Variants in LRPAP1 observed in about 807,000 individuals in gnomAD.
The protein encoded by LRPAP1 is LDL receptor related protein associated protein 1.
LRPAP1 carries 41 observed loss-of-function variants against 39.9 expected under a neutral mutation model. The observed-to-expected ratio is 1.03, with a 90% CI of 0.80 to 1.33. The LOEUF (loss-of-function observed/expected upper bound fraction) is 1.33, where lower values mean the gene tolerates loss of function less well. LRPAP1 is among the 40% of genes most tolerant of loss of function. LRPAP1 has a pLI of 0.00. For synonymous variants in LRPAP1, 263 were observed against 212.7 expected (o/e 1.24, Z -2.06); for missense variants, 565 against 482.3 (o/e 1.17, Z -1.61).
chr4:3,507,457 T>C lies in LRPAP1; in HGVS notation c.*5517A>G, dbSNP rs1294899807. The C allele has an allele frequency of 7.0e-6, 1 of 142,472 alleles. No homozygotes were observed. The highest frequency in any genetic ancestry group is 1.5e-5 in the Non-Finnish European group (1 of 65,978). The allele number at this position is 142,472 out of a possible 1,614,324, so 8.8% of individuals were successfully genotyped here. On this transcript the variant is annotated 3_prime_UTR_variant, in exon 8 of 8. Transcript: ENST00000650182. ...CTCTGGCCAAAGAATGTGATTTGTATTATTTACCTACATATCATATATTTA... is the reference window on the plus strand; with the variant it reads ...CTCTGGCCAAAGAATGTGATTTGTACTATTTACCTACATATCATATATTTA...
intron 4 of LRPAP1, 143 bp downstream of exon 4, chr4:3,518,728 G>A (rs1001678684): frequency 2.2e-5 from 13 of 589,804 alleles, no homozygotes; most frequent in Middle Eastern, 4.6e-4. Flanking sequence ...CTGGGAGGGC[G>A]TCTGGTGCCG....
chr4:3,517,471 G>A (rs775937039), intron 5 of LRPAP1, among the ~76,000 whole-genome samples: 4 of 152,366 alleles, frequency 2.6e-5, no homozygotes, highest in East Asian at 1.9e-4. Flanking sequence ...CGGAAGCTGC[G>A]TGAGTGAGGC....
Position 3,509,173 on chromosome 4 carries a change from T to C in LRPAP1, c.*3801A>G, listed in dbSNP as rs1399091975. ...GTTCATTGTTGGGAGAAGTTGAAGA[T>C]GAACTCAATACCTGGAGTCATACAT... On this transcript the variant is annotated 3_prime_UTR_variant, in exon 8 of 8. Transcript: ENST00000650182. 2.0e-5 allele frequency: 3 copies of C among 152,428 alleles called. No homozygotes were observed. In the South Asian group the frequency reaches 6.2e-4, roughly 32 times the overall value. The allele number at this position is 152,428 out of a possible 1,614,324, so 9.4% of individuals were successfully genotyped here.
At position 3,505,722 on chromosome 4, in the gene LRPAP1, C is replaced by G. The variant is rs1423405699; in HGVS notation, c.*7252G>C. 2.0e-5 allele frequency among the ~76,000 whole-genome samples: 3 copies of G among 152,246 alleles called. No homozygotes were observed. Among genetic ancestry groups the G allele is most frequent in the Non-Finnish European group, 4.4e-5 (3 of 68,042 alleles). On this transcript the variant is annotated 3_prime_UTR_variant, in exon 8 of 8. Coordinates refer to ENST00000650182, the MANE Select transcript of LRPAP1 (RefSeq NM_002337.4). ...CCAAGACCGTCTATACCAGCTACGC[C>G]AAGACCGTCTATACCAGCTACCCCA... is the stretch of plus-strand genomic sequence containing the variant.
In LRPAP1 at chr4:3,508,843, G is replaced by A. The variant is rs1166258248; in HGVS notation, c.*4131C>T. 1 of 152,146 alleles carries A rather than the reference G, an allele frequency of 6.6e-6. No homozygotes were observed. The highest frequency in any genetic ancestry group is 2.4e-5 in the African/African-American group (1 of 41,422). The allele number at this position is 152,146 out of a possible 1,614,324, so 9.4% of individuals were successfully genotyped here. A position where few individuals can be genotyped will look rare whatever the true frequency, so the allele number is the denominator to read the frequency against. On this transcript the variant is annotated 3_prime_UTR_variant, in exon 8 of 8. Transcript: ENST00000650182. ...CTGAGCCGGGAGAGACTGAGCCCAT[G>A]TTCACCGAGACTGGGAATAAGATTA...
chr4:3,505,744 C>G lies in LRPAP1; in HGVS notation c.*7230G>C, dbSNP rs956112902. Among the ~76,000 whole-genome samples the G allele has an allele frequency of 3.3e-5, 5 of 151,994 alleles. No homozygotes were observed. The South Asian group carries it at 6.2e-4, about 19-fold the overall frequency. The stretch of plus-strand genomic sequence containing the variant: ...CGCCAAGACCGTCTATACCAGCTAC[C>G]CCAAGACCGTCTATACCACCACCCT... On this transcript the variant is annotated 3_prime_UTR_variant, in exon 8 of 8. Transcript: ENST00000650182.
chr4:3,518,551 C>T (rs1022122309), intron 4 of LRPAP1, among the ~76,000 whole-genome samples: 1 of 152,130 alleles, frequency 6.6e-6, no homozygotes, highest in Non-Finnish European at 1.5e-5. Flanking sequence ...GGGAGGGTCA[C>T]GAGTCCAGAA....
chr4:3,509,064 A>T lies in LRPAP1; in HGVS notation c.*3910T>A, dbSNP rs1729436727. 1 of 152,280 alleles carries T rather than the reference A, an allele frequency of 6.6e-6. No individual in the cohort carries two copies. The highest frequency in any genetic ancestry group is 2.4e-5 in the African/African-American group (1 of 41,470). The allele number at this position is 152,280 out of a possible 1,614,324, so 9.4% of individuals were successfully genotyped here. ...CACGCACAGGTGACAAATGAAATAA[A>T]AATACACAGTCCTCAATAGCATATC... is the stretch of plus-strand genomic sequence containing the variant. On this transcript the variant is annotated 3_prime_UTR_variant, in exon 8 of 8. Coordinates refer to ENST00000650182, the MANE Select transcript of LRPAP1 (RefSeq NM_002337.4).
intron 5 of LRPAP1, chr4:3,517,658 T>C: frequency 5.9e-6 from 1 of 168,220 alleles, no homozygotes; most frequent in South Asian, 1.7e-4. Flanking sequence ...GGGGGACTGA[T>C]GGACGGTGTG....
rs1393942562 is a variant in LRPAP1 at position 3,504,601 on chromosome 4, T to G, written c.*8373A>C. On this transcript the variant is annotated 3_prime_UTR_variant, in exon 8 of 8. Transcript: ENST00000650182. Reference sequence around the variant, plus strand: ...CCTGTCTCTACTAAAAATACAAACATTAGCCCACTGTGGTGGTAGGGGCCT... The same window carrying G: ...CCTGTCTCTACTAAAAATACAAACAGTAGCCCACTGTGGTGGTAGGGGCCT... The G allele has an allele frequency of 2.0e-5, 3 of 152,014 alleles. No homozygotes were observed. Among genetic ancestry groups the G allele is most frequent in the African/African-American group, 7.3e-5 (3 of 41,376 alleles). 9.4% of individuals were successfully genotyped at this position (152,014 alleles called of 1,614,324 possible).
intron 2 of LRPAP1, among the ~76,000 whole-genome samples, chr4:3,522,269 A>T (rs944300638): frequency 1.3e-5 from 2 of 152,202 alleles, no homozygotes; most frequent in African/African-American, 4.8e-5. Flanking sequence ...AGCCTGGCTC[A>T]AGCCTTCCTA....
At chr4:3,523,044 C>T (rs1234212805) in intron 2 of LRPAP1, among the ~76,000 whole-genome samples, 6 of 152,132 alleles carry the variant, frequency 3.9e-5, no homozygotes, top group Non-Finnish European at 5.9e-5. Flanking sequence ...TCTGGGACGC[C>T]GGCTCCTAGA....
At chr4:3,522,432 G>A (rs1729936910) in intron 2 of LRPAP1, among the ~76,000 whole-genome samples, 1 of 152,206 alleles carries the variant, frequency 6.6e-6, no homozygotes, top group Admixed American at 6.5e-5. Flanking sequence ...GAGTCACAGA[G>A]CACTGAAGCT....
intron 1 of LRPAP1, among the ~76,000 whole-genome samples, chr4:3,530,253 AC>A (rs1730208927): frequency 6.6e-6 from 1 of 151,866 alleles, no homozygotes; most frequent in Non-Finnish European, 1.5e-5. Flanking sequence ...CCTCAAAAAG[AC>A]CCGGACGGGT....
chr4:3,511,232 G>GC lies in LRPAP1; in HGVS notation c.*1741dup, dbSNP rs1251956756. 4 of 150,810 alleles carry GC rather than the reference G, an allele frequency of 2.7e-5. No homozygotes were observed. Among genetic ancestry groups the GC allele is most frequent in the East Asian group, 4.0e-4 (2 of 5,050 alleles). The allele number at this position is 150,810 out of a possible 1,614,324, so 9.3% of individuals were successfully genotyped here. On this transcript the variant is annotated 3_prime_UTR_variant, in exon 8 of 8. Coordinates refer to ENST00000650182, the MANE Select transcript of LRPAP1 (RefSeq NM_002337.4). The stretch of plus-strand genomic sequence containing the variant: ...GATCCATTAGGTGCTCCTAGAGTTG[G>GC]CCCCCACCCCCACCCCCACACGAGT...
intron 1 of LRPAP1, among the ~76,000 whole-genome samples, chr4:3,528,397 C>T (rs901468501): frequency 6.7e-5 from 10 of 149,736 alleles, no homozygotes; most frequent in Non-Finnish European, 1.5e-5. Context: ...AGTGGCCCTT[C>T]CCCACACAGC....
chr4:3,532,225 C>T lies in LRPAP1; in HGVS notation c.188G>A (p.Trp63Ter). The T allele has an allele frequency of 1.3e-6, 2 of 1,550,556 alleles. No homozygotes were observed. The highest frequency in any genetic ancestry group is 1.7e-6 in the Non-Finnish European group (2 of 1,146,808). The change falls in exon 1 of 8, where the codon TGG (tryptophan) becomes TAG (stop). Residue 63 changes from tryptophan (W) to a stop codon, truncating the protein, a stop_gained. Transcript: ENST00000650182. LOFTEE classifies it high-confidence loss of function. The part of the protein sequence containing the change: ...EFRMEKLNQL[W>*]EKAQRLHLPP... Reference sequence around the variant, plus strand: ...CGCGCTCACTCGCTGGGCCTTCTCCCACAGCTGGTTCAACTTCTCCATGCG... The same window carrying T: ...CGCGCTCACTCGCTGGGCCTTCTCCTACAGCTGGTTCAACTTCTCCATGCG...
intron 3 of LRPAP1, among the ~76,000 whole-genome samples, chr4:3,519,231 G>A (rs570279384): frequency 6.6e-6 from 1 of 152,344 alleles, no homozygotes; most frequent in African/African-American, 2.4e-5. Flanking sequence ...AGCTGGCTGG[G>A]GTGGGGAGCA....
intron 1 of LRPAP1, among the ~76,000 whole-genome samples, chr4:3,530,748 GAC>G (rs944079019): frequency 6.6e-6 from 1 of 152,236 alleles, no homozygotes; most frequent in African/African-American, 2.4e-5. Flanking sequence ...GGCTGACAAA[GAC>G]AGAGGACCAG....
Sources: gnomAD v4.1 joint callset for allele counts (sites outside exome capture counted in the v4.1 genomes callset) on GRCh38, gnomAD v4.1.1 for gene constraint, MANE v1.5 for transcripts, NCBI Gene and HGNC (gene_info 2026-07-23, HGNC 2026-07-21) for gene names.